The following SYNE2 variants were observed in gnomAD, a reference collection of about 807,000 sequenced individuals.
SYNE2 encodes spectrin repeat containing nuclear envelope protein 2, also known as nesprin-2.
Under a neutral mutation model 856.3 loss-of-function variants are expected in SYNE2, and 431 were observed. That is an observed-to-expected ratio of 0.50 (90% CI 0.47 to 0.55). SYNE2 has a LOEUF of 0.55. Among genes scored for constraint, SYNE2 ranks in the 20% least tolerant of loss-of-function variants. The probability of loss-of-function intolerance (pLI) is 0.00; values close to 1 mark genes in which losing one functional copy is unlikely to be tolerated. For synonymous variants in SYNE2, 2,923 were observed against 2,872.3 expected, an observed-to-expected ratio of 1.02 and a Z score of -0.56; for missense variants, 8,129 against 8,023.2, an observed-to-expected ratio of 1.01 and a Z score of -0.50.
chr14:63,994,293 G>A (rs1054757658), intron 22 of SYNE2, among the ~76,000 whole-genome samples: 1 of 152,144 alleles, frequency 6.6e-6, no homozygotes, highest in African/African-American at 2.4e-5. Context: ...CTGAGATTAT[G>A]TTCTGGTAAT....
intron 30 of SYNE2, among the ~76,000 whole-genome samples, chr14:64,004,486 C>A (rs1020547595): frequency 6.6e-6 from 1 of 151,530 alleles, no homozygotes; most frequent in Non-Finnish European, 1.5e-5. Context: ...CGCGCCACCA[C>A]GCCTGGCTAA....
At chr14:63,961,803 A>C (rs1304775378) in intron 9 of SYNE2, among the ~76,000 whole-genome samples, 178 bp downstream of exon 9, 1 of 151,932 alleles carries the variant, frequency 6.6e-6, no homozygotes, top group Non-Finnish European at 1.5e-5. Flanking sequence ...AAAATATTCC[A>C]CTGGGCACCT....
chr14:63,786,311 G>A (rs1208403446), intron 1 of SYNE2, among the ~76,000 whole-genome samples: 2 of 152,062 alleles, frequency 1.3e-5, no homozygotes, highest in Non-Finnish European at 2.9e-5. Context: ...AGGAGGCTGA[G>A]GCAAGAGGGT....
rs771954231 is a variant in SYNE2, at chr14:64,000,530, A to C, written c.3481-32A>C. The stretch of plus-strand genomic sequence containing the variant: ...AATAATTGTGTCTATTAACCCCATT[A>C]GTTGATAAATTAATTTATGTGTTCC... On this transcript the variant is annotated intron_variant, in intron 27 of 115. Transcript: ENST00000555002. The C allele has an allele frequency of 3.0e-5, 47 of 1,589,144 alleles. 2 individuals carry two copies. The Middle Eastern group carries it at 5.0e-4, about 17-fold the overall frequency.
At chr14:63,991,394 C>T (rs931416512) in intron 21 of SYNE2, among the ~76,000 whole-genome samples, 2 of 152,134 alleles carry the variant, frequency 1.3e-5, no homozygotes, top group African/African-American at 2.4e-5. Flanking sequence ...TTTAATTTCT[C>T]TGGCTTTTTA....
chr14:64,044,797 A>G (rs2097173892), intron 45 of SYNE2, among the ~76,000 whole-genome samples: 1 of 151,654 alleles, frequency 6.6e-6, no homozygotes, highest in African/African-American at 2.4e-5. Flanking sequence ...GATATGACTT[A>G]CTCCTTGCCT....
chr14:63,931,499 G>A (rs1411520600), intron 2 of SYNE2, among the ~76,000 whole-genome samples: 2 of 145,544 alleles, frequency 1.4e-5, no homozygotes, highest in Non-Finnish European at 3.0e-5. Flanking sequence ...GCAGTGAGCC[G>A]AAATCATACC....
In SYNE2 at chr14:63,991,003, A is replaced by T; in HGVS notation, c.2534A>T (p.Asp845Val). The T allele has an allele frequency of 3.7e-6, 6 of 1,614,194 alleles. No homozygotes were observed. The highest frequency in any genetic ancestry group is 5.1e-6 in the Non-Finnish European group (6 of 1,180,006). ...KNLTDVSPDL[D>V]IRLKMEESQK... ...TTAACTGACGTTTCACCAGATTTGG[A>T]CATCAGGCTGAAGATGGAAGAATCC... is the stretch of plus-strand genomic sequence containing the variant. The change falls in exon 21 of 116, where the codon GAC becomes GTC. Residue 845 changes from aspartate (D) to valine (V), a missense_variant. Coordinates refer to ENST00000555002, the MANE Select transcript of SYNE2 (RefSeq NM_182914.3).
intron 2 of SYNE2, among the ~76,000 whole-genome samples, chr14:63,935,897 C>A (rs144773518): frequency 2.6e-5 from 4 of 152,180 alleles, no homozygotes; most frequent in African/African-American, 9.6e-5. Flanking sequence ...ATTATTGAGA[C>A]GGAGTCTCGC....
chr14:64,184,569 G>A (rs1031812882), intron 96 of SYNE2, among the ~76,000 whole-genome samples: 7 of 152,160 alleles, frequency 4.6e-5, no homozygotes, highest in African/African-American at 1.7e-4. Flanking sequence ...TGAGCTTCCT[G>A]CCACCTGACT....
intron 60 of SYNE2, 72 bp downstream of exon 60, chr14:64,091,120 C>A: frequency 7.2e-7 from 1 of 1,382,586 alleles, no homozygotes; most frequent in Non-Finnish European, 1.0e-6. Context: ...GTTTTCACTT[C>A]TAATTGAAAT....
chr14:64,153,242 G>A (rs1285867597), intron 85 of SYNE2, among the ~76,000 whole-genome samples: 2 of 152,166 alleles, frequency 1.3e-5, no homozygotes, highest in African/African-American at 4.8e-5. Flanking sequence ...TCTTACAAAA[G>A]GCATGTCAAT....
intron 43 of SYNE2, among the ~76,000 whole-genome samples, chr14:64,029,366 A>G (rs1391611744): frequency 6.6e-6 from 1 of 152,104 alleles, no homozygotes; most frequent in African/African-American, 2.4e-5. Flanking sequence ...AGCTGTGGTC[A>G]TTGTATTTTC....
intron 78 of SYNE2, among the ~76,000 whole-genome samples, chr14:64,135,898 C>A (rs930077260): frequency 6.6e-6 from 1 of 152,120 alleles, no homozygotes; most frequent in African/African-American, 2.4e-5. Flanking sequence ...GGGCATGGAA[C>A]CTAGGAGTCA....
At chr14:63,874,513 C>G (rs543600718) in intron 1 of SYNE2, among the ~76,000 whole-genome samples, 7 of 152,276 alleles carry the variant, frequency 4.6e-5, no homozygotes, top group African/African-American at 1.7e-4. Context: ...TGTAACCTGC[C>G]TGAGCTCTCT....
At chr14:63,935,749 C>T (rs189019387) in intron 2 of SYNE2, among the ~76,000 whole-genome samples, 60 of 152,296 alleles carry the variant, frequency 3.9e-4, no homozygotes, top group African/African-American at 1.4e-3. Flanking sequence ...TGTGGTGGCT[C>T]ACACTTGTAA....
chr14:64,185,519 C>CTTTTTTTT (rs66490444), intron 96 of SYNE2, among the ~76,000 whole-genome samples: 7 of 77,474 alleles, frequency 9.0e-5, no homozygotes, highest in African/African-American at 2.1e-4. Flanking sequence ...TTTTCTTTTT[C>CTTTTTTTT]TTTTTTTTTT....
chr14:63,807,967 C>T (rs1888444566), intron 1 of SYNE2, among the ~76,000 whole-genome samples: 1 of 147,340 alleles, frequency 6.8e-6, no homozygotes. Flanking sequence ...AACAGTGTAC[C>T]ATGCCCAGTG....
At chr14:64,089,837 C>G (rs2097594084) in intron 59 of SYNE2, 141 bp downstream of exon 59, 2 of 663,102 alleles carry the variant, frequency 3.0e-6, no homozygotes, top group East Asian at 3.1e-5. Context: ...ATGGGAATAA[C>G]TATAACTGTA....
Sources: gnomAD v4.1 joint callset for allele counts (sites outside exome capture counted in the v4.1 genomes callset) on GRCh38, gnomAD v4.1.1 for gene constraint, MANE v1.5 for transcripts, NCBI Gene and HGNC (gene_info 2026-07-23, HGNC 2026-07-21) for gene names.